The following CCDC127 variants were observed in gnomAD, a reference collection of about 807,000 sequenced individuals.
CCDC127 encodes the protein coiled-coil domain containing 127.
A neutral mutation model predicts 4.1 loss-of-function variants in CCDC127; 2 were observed. The observed-to-expected ratio is 0.49, with a 90% CI of 0.20 to 1.53. The LOEUF (loss-of-function observed/expected upper bound fraction) is 1.53, where lower values mean the gene tolerates loss of function less well. CCDC127 is among the 40% of genes most tolerant of loss of function. The pLI, the probability that CCDC127 is intolerant of heterozygous loss-of-function variation, is 0.23. For synonymous variants in CCDC127, 98 were observed against 120.4 expected (o/e 0.81, Z 1.22); for missense variants, 271 against 322.9 (o/e 0.84, Z 1.23).
chr5:217,553 A>G (rs1579367606), intron 1 of CCDC127, among the ~76,000 whole-genome samples: 1 of 152,240 alleles, frequency 6.6e-6, no homozygotes, highest in African/African-American at 2.4e-5. Flanking sequence ...TAGGGTTTGA[A>G]GAGTGAGCAG....
rs1734122840 is a variant in CCDC127 at position 204,088 on chromosome 5, A to G, written c.*1209T>C. On this transcript the variant is annotated 3_prime_UTR_variant, in exon 3 of 3. Transcript: ENST00000296824. ...AGGGGGTACCACATGACCAGCCCTTAGCAAAAGCCCCAGGTGCTGAGTCTC... is the reference window on the plus strand; with the variant it reads ...AGGGGGTACCACATGACCAGCCCTTGGCAAAAGCCCCAGGTGCTGAGTCTC... 6.6e-6 allele frequency: 1 copy of G among 152,306 alleles called. No individual in the cohort carries two copies. Among genetic ancestry groups the G allele is most frequent in the Non-Finnish European group, 1.5e-5 (1 of 68,078 alleles). 9.4% of individuals were successfully genotyped at this position (152,306 alleles called of 1,614,324 possible).
At chr5:206,285 C>T (rs948141667) in intron 2 of CCDC127, among the ~76,000 whole-genome samples, 5 of 150,368 alleles carry the variant, frequency 3.3e-5, no homozygotes, top group Admixed American at 6.6e-5. Context: ...CTTCAACTAC[C>T]GTTGGCCAGG....
chr5:205,711 T>C lies in CCDC127; in HGVS notation c.369A>G (p.Glu123=), dbSNP rs762549514. ...TTTTTTCTTGCATCACCTGGGCCCG[T>C]TCCTGTTCCAGAAGCTTCTTTTCTT... ...LVEEKKLLEQ[E]RAQVMQEKRQ... The change falls in exon 3 of 3, where the codon GAA becomes GAG. Residue 123 remains glutamate, a synonymous_variant. Transcript: ENST00000296824. The C allele has an allele frequency of 1.2e-6, 2 of 1,613,944 alleles. No individual in the cohort carries two copies. The highest frequency in any genetic ancestry group is 2.2e-5 in the South Asian group (2 of 91,072).
chr5:208,838 C>T (rs893627956), intron 2 of CCDC127, among the ~76,000 whole-genome samples: 2 of 152,178 alleles, frequency 1.3e-5, no homozygotes, highest in African/African-American at 4.8e-5. Context: ...GCCCCAAATG[C>T]GCAGGTTCAA....
At chr5:217,119 G>A (rs192338961) in intron 1 of CCDC127, 2 of 204,474 alleles carry the variant, frequency 9.8e-6, no homozygotes, top group Non-Finnish European at 1.9e-5. Context: ...GACAGAACGA[G>A]ACTCCGTCCC....
At chr5:207,570 G>A (rs1734199985) in intron 2 of CCDC127, among the ~76,000 whole-genome samples, 2 of 152,188 alleles carry the variant, frequency 1.3e-5, no homozygotes. Flanking sequence ...GAGCAAGGCA[G>A]GCGAGAGCAT....
chr5:200,053 C>T lies in CCDC127; in HGVS notation c.*5244G>A, dbSNP rs901112422. On this transcript the variant is annotated 3_prime_UTR_variant, in exon 3 of 3. Coordinates refer to ENST00000296824, the MANE Select transcript of CCDC127 (RefSeq NM_145265.3). ...CGGCCATGCTGGCACAAAGGGCTCC[C>T]GTGAATCTGGAGCTCACCCAGCAAA... 3.3e-5 allele frequency: 5 copies of T among 152,230 alleles called. No homozygotes were observed. The highest frequency in any genetic ancestry group is 1.9e-4 in the East Asian group (1 of 5,180). The allele number at this position is 152,230 out of a possible 1,614,324, so 9.4% of individuals were successfully genotyped here.
intron 2 of CCDC127, 90 bp from the exon 3 acceptor site, chr5:206,048 G>T: frequency 8.2e-7 from 1 of 1,214,682 alleles, no homozygotes; most frequent in Non-Finnish European, 1.2e-6. Context: ...GCTAAGGATA[G>T]TGTTTCAGTA....
intron 2 of CCDC127, among the ~76,000 whole-genome samples, chr5:213,424 G>A (rs1734313646): frequency 9.8e-6 from 1 of 101,866 alleles, no homozygotes; most frequent in Non-Finnish European, 1.9e-5. Flanking sequence ...CTGGACAGCA[G>A]TGTGAGCACA....
In CCDC127 at chr5:217,171, A is replaced by T. The variant is rs1249234791; in HGVS notation, c.-10-312T>A. 7 of 220,928 alleles carry T rather than the reference A, an allele frequency of 3.2e-5. No homozygotes were observed. In the Admixed American group the frequency reaches 3.7e-4, roughly 12 times the overall value. The allele number at this position is 220,928 out of a possible 1,614,324, so 13.7% of individuals were successfully genotyped here. A position where few individuals can be genotyped will look rare whatever the true frequency, so the allele number is the denominator to read the frequency against. ...AAAGAAAAAGGAAAAAAAAAACAAG[A>T]ACTTAAGATGAAAGCGACTCACAAT... On this transcript the variant is annotated intron_variant, in intron 1 of 2. Coordinates refer to ENST00000296824, the MANE Select transcript of CCDC127 (RefSeq NM_145265.3).
At position 205,264 on chromosome 5, in the gene CCDC127, AG is replaced by A; in HGVS notation, c.*32del. 6.4e-7 allele frequency: 1 copy of A among 1,570,168 alleles called. No homozygotes were observed. The highest frequency in any genetic ancestry group is 1.4e-5 in the African/African-American group (1 of 73,940). ...GAAGGCGCATGACTGCCTGGCCTCG[AG>A]TCACTAAAAGCAGTTTGATTTCACT... On this transcript the variant is annotated 3_prime_UTR_variant, in exon 3 of 3. Coordinates refer to ENST00000296824, the MANE Select transcript of CCDC127 (RefSeq NM_145265.3).
chr5:217,926 G>C (rs1299999956), intron 1 of CCDC127, among the ~76,000 whole-genome samples, 167 bp downstream of exon 1: 1 of 152,258 alleles, frequency 6.6e-6, no homozygotes, highest in Non-Finnish European at 1.5e-5. Flanking sequence ...AGAGGTCGGA[G>C]GCCCCGGGCC....
rs760740924 is a variant in CCDC127, at chr5:205,922, T to G, written c.158A>C (p.Glu53Ala). The G allele has an allele frequency of 1.2e-6, 2 of 1,613,674 alleles. No homozygotes were observed. The highest frequency in any genetic ancestry group is 4.5e-5 in the East Asian group (2 of 44,884). The change falls in exon 3 of 3, where the codon GAA becomes GCA. Residue 53 changes from glutamate to alanine, a missense_variant. Glu to Ala is a moderately radical substitution (Grantham distance 107, BLOSUM62 -1). Transcript: ENST00000296824. ...CCGACGGTAGGCTTCTCTCTCTTTT[T>G]CTACTTCTTTCTGGGACTCCCTAGA... ...IWSRESQKEV[E>A]KEREAYRRRT...
chr5:206,477 G>C lies in CCDC127; in HGVS notation c.122-519C>G, dbSNP rs1052964191. 1.2e-4 allele frequency among the ~76,000 whole-genome samples: 19 copies of C among 152,342 alleles called. No homozygotes were observed. The South Asian group carries it at 1.9e-3, about 15-fold the overall frequency. The stretch of plus-strand genomic sequence containing the variant: ...TGCTGGAATCTCACGAAAACGGGAC[G>C]AAGATTGCTGGGAGGCTGGAGGGGG... On this transcript the variant is annotated intron_variant, in intron 2 of 2. Coordinates refer to ENST00000296824, the MANE Select transcript of CCDC127 (RefSeq NM_145265.3).
chr5:208,839 G>A (rs897657506), intron 2 of CCDC127, among the ~76,000 whole-genome samples: 4 of 152,164 alleles, frequency 2.6e-5, no homozygotes, highest in South Asian at 2.1e-4. Flanking sequence ...CCCCAAATGC[G>A]CAGGTTCAAA....
rs1411442284 is a variant in CCDC127 at position 205,680 on chromosome 5, C to T, written c.400G>A (p.Val134Met). Residue 134 changes from valine (V) to methionine (M), a missense_variant, in exon 3 of 3, where the codon GTG (valine) becomes ATG (methionine). Transcript: ENST00000296824. ...RAQVMQEKRQ[V>M]QPLRSAYLSC... ...AAATACGCACTTCTCAAAGGCTGCA[C>T]CTGTCTTTTTTCTTGCATCACCTGG... 3.1e-6 allele frequency: 5 copies of T among 1,614,126 alleles called. No individual in the cohort carries two copies. Among genetic ancestry groups the T allele is most frequent in the Non-Finnish European group, 3.4e-6 (4 of 1,180,016 alleles).
Position 200,286 on chromosome 5 carries a change from C to T in CCDC127, c.*5011G>A, listed in dbSNP as rs1449085046. 1 of 152,308 alleles carries T rather than the reference C, an allele frequency of 6.6e-6. No individual in the cohort carries two copies. The highest frequency in any genetic ancestry group is 1.5e-5 in the Non-Finnish European group (1 of 68,084). 9.4% of individuals were successfully genotyped at this position (152,308 alleles called of 1,614,324 possible). ...CCATGGGTGGCTTACTGAAGCCCTT[C>T]GTTTTCTCTTTTCAAGATTTCCCAT... On this transcript the variant is annotated 3_prime_UTR_variant, in exon 3 of 3. Coordinates refer to ENST00000296824, the MANE Select transcript of CCDC127 (RefSeq NM_145265.3).
Position 199,267 on chromosome 5 carries a change from A to T in CCDC127, c.*6030T>A, listed in dbSNP as rs1238631737. 6.4e-6 allele frequency: 1 copy of T among 155,248 alleles called. No homozygotes were observed. The highest frequency in any genetic ancestry group is 2.4e-5 in the African/African-American group (1 of 41,438). The allele number at this position is 155,248 out of a possible 1,614,324, so 9.6% of individuals were successfully genotyped here. On this transcript the variant is annotated 3_prime_UTR_variant, in exon 3 of 3. Transcript: ENST00000296824. Reference sequence around the variant, plus strand: ...TGATACCCTCGCAGGCCAAGGAGATATACGCAGGCCCAGTGGCCCCTGTGT... The same window carrying T: ...TGATACCCTCGCAGGCCAAGGAGATTTACGCAGGCCCAGTGGCCCCTGTGT...
chr5:204,841 T>C lies in CCDC127; in HGVS notation c.*456A>G, dbSNP rs184476278. 2.6e-5 allele frequency: 4 copies of C among 153,476 alleles called. No homozygotes were observed. The Admixed American group carries it at 2.6e-4, about 10-fold the overall frequency. The allele number at this position is 153,476 out of a possible 1,614,324, so 9.5% of individuals were successfully genotyped here. On this transcript the variant is annotated 3_prime_UTR_variant, in exon 3 of 3. Transcript: ENST00000296824. ...GATAATATAATATTACTACTTCCTA[T>C]TACCTGTTATGCAGTTCTACACATT...
Sources: allele counts gnomAD v4.1 joint callset (sites outside exome capture counted in the v4.1 genomes callset), GRCh38; gene constraint gnomAD v4.1.1; transcripts MANE v1.5; gene names NCBI Gene and HGNC (gene_info 2026-07-23, HGNC 2026-07-21).